FRMPD4: variants seen among roughly 807,000 people sequenced by gnomAD.
FRMPD4 encodes the protein FERM and PDZ domain containing 4, also known as FERM and PDZ domain-containing protein 4.
A neutral mutation model predicts 94.1 loss-of-function variants in FRMPD4; 22 were observed. That is an observed-to-expected ratio of 0.23 (90% CI 0.17 to 0.33). The LOEUF (loss-of-function observed/expected upper bound fraction) is 0.33, where lower values mean the gene tolerates loss of function less well. Among genes scored for constraint, FRMPD4 ranks in the 10% least tolerant of loss-of-function variants. FRMPD4 has a pLI of 1.00. For synonymous variants in FRMPD4, 631 were observed against 548.6 expected (o/e 1.15, Z -2.10); for missense variants, 1,111 against 1,339.9 (o/e 0.83, Z 2.67).
chrX:11,899,114 G>A (rs1182043551), intron 3 of FRMPD4, among the ~76,000 whole-genome samples: 1 of 112,158 alleles, frequency 8.9e-6, no homozygotes, highest in African/African-American at 3.2e-5. Flanking sequence ...CTATAAATTT[G>A]TAGGGCATTT....
intron 14 of FRMPD4, among the ~76,000 whole-genome samples, chrX:12,714,981 G>C (rs1216354193): frequency 8.9e-6 from 1 of 112,242 alleles, no homozygotes; most frequent in Non-Finnish European, 1.9e-5. Flanking sequence ...GATTTGCGGG[G>C]AGCAAAAATC....
intron 1 of FRMPD4, among the ~76,000 whole-genome samples, chrX:12,219,880 G>T (rs2056844678): frequency 8.9e-6 from 1 of 112,067 alleles, no homozygotes; most frequent in African/African-American, 3.2e-5. Context: ...CATGTCTCAA[G>T]CCTGTTATCC....
At chrX:12,577,010 C>T (rs935821606) in intron 2 of FRMPD4, among the ~76,000 whole-genome samples, 1 of 111,599 alleles carries the variant, frequency 9.0e-6, no homozygotes, top group Non-Finnish European at 1.9e-5. Context: ...ATTGCAAATT[C>T]ATGGATCTGA....
intron 3 of FRMPD4, among the ~76,000 whole-genome samples, chrX:12,081,791 T>G (rs2055064186): frequency 8.9e-6 from 1 of 111,846 alleles, no homozygotes; most frequent in African/African-American, 3.3e-5. Flanking sequence ...TTCATCAGTA[T>G]TCTCTGCTCT....
intron 1 of FRMPD4, among the ~76,000 whole-genome samples, chrX:12,157,555 A>G (rs1033165352): frequency 7.2e-5 from 8 of 111,637 alleles, no homozygotes; most frequent in Non-Finnish European, 1.5e-4. Flanking sequence ...GCTCCCCGTA[A>G]CCACAGGTGT....
chrX:12,231,888 A>G (rs1472588275), intron 1 of FRMPD4, among the ~76,000 whole-genome samples: 1 of 112,051 alleles, frequency 8.9e-6, no homozygotes, highest in African/African-American at 3.2e-5. Context: ...TATAATGGCC[A>G]TTCTAAGTGC....
chrX:11,892,625 T>C (rs184967102), intron 3 of FRMPD4, among the ~76,000 whole-genome samples: 19 of 112,223 alleles, frequency 1.7e-4, no homozygotes, highest in African/African-American at 5.2e-4. Flanking sequence ...GGTTCTGAGA[T>C]CATGAAACTG....
intron 1 of FRMPD4, among the ~76,000 whole-genome samples, chrX:12,378,267 T>C (rs2056268961): frequency 8.9e-6 from 1 of 112,648 alleles, no homozygotes; most frequent in Admixed American, 9.4e-5. Context: ...TTCTTCTTCT[T>C]GTTCAAGGCT....
At chrX:11,910,404 A>G (rs1270691137) in intron 3 of FRMPD4, among the ~76,000 whole-genome samples, 1 of 112,260 alleles carries the variant, frequency 8.9e-6, no homozygotes, top group East Asian at 2.8e-4. Context: ...ATAGTAATAT[A>G]AGATTAGAAT....
chrX:12,386,292 T>C (rs1483820633), intron 1 of FRMPD4, among the ~76,000 whole-genome samples: 1 of 112,289 alleles, frequency 8.9e-6, no homozygotes, highest in Non-Finnish European at 1.9e-5. Context: ...AATTACATGA[T>C]AGAGAAAAGC....
At chrX:12,116,414 A>G (rs752999589) in intron 3 of FRMPD4, among the ~76,000 whole-genome samples, 1 of 112,551 alleles carries the variant, frequency 8.9e-6, no homozygotes, top group South Asian at 3.6e-4. Context: ...GAGCAGGTGA[A>G]GAAATAATAT....
intron 1 of FRMPD4, among the ~76,000 whole-genome samples, chrX:12,255,547 A>T (rs1178821863): frequency 8.9e-6 from 1 of 112,116 alleles, no homozygotes; most frequent in Non-Finnish European, 1.9e-5. Context: ...CTGAATATGA[A>T]TTCAATTCAA....
intron 3 of FRMPD4, among the ~76,000 whole-genome samples, chrX:11,905,916 A>G (rs2053964550): frequency 9.0e-6 from 1 of 111,203 alleles, no homozygotes; most frequent in African/African-American, 3.3e-5. Flanking sequence ...CTTACAAGCA[A>G]TAACATCAAC....
At chrX:12,461,903 A>C (rs1445839218) in intron 1 of FRMPD4, among the ~76,000 whole-genome samples, 1 of 111,672 alleles carries the variant, frequency 9.0e-6, no homozygotes, top group Non-Finnish European at 1.9e-5. Flanking sequence ...TTGGTGAAAT[A>C]ATACCATGGT....
At chrX:12,084,178 G>GGC (rs2055086019) in intron 3 of FRMPD4, among the ~76,000 whole-genome samples, 1 of 24,668 alleles carries the variant, frequency 4.1e-5, no homozygotes, top group African/African-American at 1.0e-4. Flanking sequence ...GGGACCCAGT[G>GGC]GGGGGGGGGG....
chrX:11,837,100 A>G (rs1198940532), intron 1 of FRMPD4, among the ~76,000 whole-genome samples: 1 of 112,020 alleles, frequency 8.9e-6, no homozygotes, highest in Non-Finnish European at 1.9e-5. Flanking sequence ...TCTAAATTTA[A>G]TCCTTAAAAT....
intron 1 of FRMPD4, among the ~76,000 whole-genome samples, chrX:12,386,564 G>A (rs1236379014): frequency 2.7e-5 from 3 of 111,702 alleles, no homozygotes; most frequent in African/African-American, 9.8e-5. Flanking sequence ...TTGCTTCCGG[G>A]AAATAAAAGA....
chrX:12,207,562 G>A (rs1054144746), intron 1 of FRMPD4, among the ~76,000 whole-genome samples: 43 of 109,273 alleles, frequency 3.9e-4, no homozygotes, highest in African/African-American at 1.4e-3. Flanking sequence ...GAACTATAAG[G>A]GATATGGCTC....
intron 2 of FRMPD4, among the ~76,000 whole-genome samples, chrX:12,574,703 G>T (rs1354363604): frequency 1.8e-5 from 2 of 111,049 alleles, no homozygotes; most frequent in Non-Finnish European, 3.8e-5. Flanking sequence ...TCGCCATGCT[G>T]CCCAGGCTGG....
Sources: allele counts gnomAD v4.1 joint callset (sites outside exome capture counted in the v4.1 genomes callset), GRCh38; gene constraint gnomAD v4.1.1; transcripts MANE v1.5; gene names NCBI Gene and HGNC (gene_info 2026-07-23, HGNC 2026-07-21).